DNAH17: variants seen among roughly 807,000 people sequenced by gnomAD.
DNAH17 encodes axonemal beta dynein heavy chain 17.
DNAH17 carries 376 observed loss-of-function variants against 485.6 expected under a neutral mutation model. That is an observed-to-expected ratio of 0.77 (90% confidence interval 0.71 to 0.84). The LOEUF is 0.84. Among genes scored for constraint, DNAH17 ranks in the 40% least tolerant of loss-of-function variants. DNAH17 has a pLI of 0.00. For missense variants in DNAH17, 6,370 were observed against 5,839.3 expected (o/e 1.09, Z -2.96); for synonymous variants, 3,031 against 2,405.9 (o/e 1.26, Z -7.60).
chr17:78,530,203 T>C (rs1427306117), intron 21 of DNAH17, 140 bp downstream of exon 21: 4 of 946,864 alleles, frequency 4.2e-6, no homozygotes, highest in Non-Finnish European at 6.1e-6. Context: ...CTTGGTGGGG[T>C]AGTTGGCCTT....
intron 17 of DNAH17, among the ~76,000 whole-genome samples, chr17:78,541,671 CCT>C (rs1423649790): frequency 1.3e-5 from 2 of 151,984 alleles, no homozygotes; most frequent in Non-Finnish European, 2.9e-5. Context: ...TGCCTCTGCC[CCT>C]CTTAGGCTCC....
In DNAH17 at chr17:78,468,488, T is replaced by A. The variant is rs1016802242; in HGVS notation, c.8778+129A>T. 7.9e-6 allele frequency: 10 copies of A among 1,262,696 alleles called. No individual in the cohort carries two copies. In the African/African-American group the frequency reaches 1.5e-4, roughly 19 times the overall value. 78.2% of individuals were successfully genotyped at this position (1,262,696 alleles called of 1,614,324 possible). A position where few individuals can be genotyped will look rare whatever the true frequency, so the allele number is the denominator to read the frequency against. On this transcript the variant is annotated intron_variant, in intron 55 of 80. Coordinates refer to ENST00000389840, the MANE Select transcript of DNAH17 (RefSeq NM_173628.4). ...CATCAGACAGCCCCACCCCTCACAC[T>A]CTCCTAACAGGATTTCACATCCCAT...
chr17:78,432,029 CAAAA>C (rs542985561), intron 75 of DNAH17, among the ~76,000 whole-genome samples: 1 of 150,940 alleles, frequency 6.6e-6, no homozygotes, highest in Non-Finnish European at 1.5e-5. Flanking sequence ...AAAACAAAAA[CAAAA>C]AAAACCTGGC....
chr17:78,425,353 G>A lies in DNAH17; in HGVS notation c.13134C>T (p.Phe4378=), dbSNP rs753842186. The change falls in exon 80 of 81, where the codon TTC becomes TTT. Residue 4378 remains phenylalanine, a synonymous_variant. Coordinates refer to ENST00000389840, the MANE Select transcript of DNAH17 (RefSeq NM_173628.4). ...PREGSYVYGL[F]MEGARWDTQT... ...GACAAGAGCCCTCCTTACCTTCCAT[G>A]AAGAGTCCGTACACGTAGGAGCCCT... is the stretch of plus-strand genomic sequence containing the variant. The A allele has an allele frequency of 1.2e-6, 2 of 1,613,660 alleles. No individual in the cohort carries two copies. The highest frequency in any genetic ancestry group is 1.7e-6 in the Non-Finnish European group (2 of 1,179,778).
chr17:78,557,668 C>G (rs532713906), intron 14 of DNAH17, among the ~76,000 whole-genome samples: 1 of 116,464 alleles, frequency 8.6e-6, no homozygotes, highest in Non-Finnish European at 1.8e-5. Context: ...AAAAAAGTAA[C>G]GTAAGCCAAA....
At chr17:78,576,961 C>T (rs1288535696) in intron 1 of DNAH17, among the ~76,000 whole-genome samples, 1 of 152,202 alleles carries the variant, frequency 6.6e-6, no homozygotes, top group South Asian at 2.1e-4. Context: ...GCAGAGACGG[C>T]TTCTCTGGGA....
chr17:78,562,365 C>G (rs1449521177), intron 11 of DNAH17, among the ~76,000 whole-genome samples: 3 of 152,130 alleles, frequency 2.0e-5, no homozygotes, highest in African/African-American at 7.2e-5. Context: ...GGGAGGGTCA[C>G]TTGAGCCCAG....
chr17:78,450,613 GCGC>G lies in DNAH17; in HGVS notation c.10899+66_10899+68del, dbSNP rs1292707057. 7.8e-5 allele frequency: 120 copies of G among 1,540,418 alleles called. No individual in the cohort carries two copies. In the East Asian group the frequency reaches 2.9e-3, roughly 37 times the overall value. On this transcript the variant is annotated intron_variant, in intron 67 of 80. Transcript: ENST00000389840. ...TTTTCTCCTTTCTCATGGTAGGGAGGCGCCGATCGCCCGTGGCCCAGCCTCCCA... is the reference window on the plus strand; with the variant it reads ...TTTTCTCCTTTCTCATGGTAGGGAGGCGATCGCCCGTGGCCCAGCCTCCCA...
In DNAH17 at chr17:78,442,264, T is replaced by A. The variant is rs575225623; in HGVS notation, c.11529-1065A>T. On this transcript the variant is annotated intron_variant, in intron 71 of 80. Transcript: ENST00000389840. ...CTCATGCCACCCAGCACACCTCACCTCCTCTGGTTCAACCAGCAATCAGCC... is the reference window on the plus strand; with the variant it reads ...CTCATGCCACCCAGCACACCTCACCACCTCTGGTTCAACCAGCAATCAGCC... Among the ~76,000 whole-genome samples, 13 of 152,230 alleles carry A rather than the reference T, an allele frequency of 8.5e-5. No individual in the cohort carries two copies. The South Asian group carries it at 2.7e-3, about 32-fold the overall frequency.
At chr17:78,567,347 T>A (rs952440884) in intron 9 of DNAH17, among the ~76,000 whole-genome samples, 181 bp from the exon 10 acceptor site, 2 of 151,780 alleles carry the variant, frequency 1.3e-5, no homozygotes, top group African/African-American at 2.4e-5. Flanking sequence ...AAATATTCCA[T>A]CCCCTGCAGA....
chr17:78,575,065 T>C lies in DNAH17; in HGVS notation c.-8A>G. On this transcript the variant is annotated 5_prime_UTR_variant, in exon 2 of 81. Transcript: ENST00000389840. ...GTCCGGGGCCATTGTCATCTTGGCCTTTCCTTACACTGTGTATCTGTTAAG... is the reference window on the plus strand; with the variant it reads ...GTCCGGGGCCATTGTCATCTTGGCCCTTCCTTACACTGTGTATCTGTTAAG... The C allele has an allele frequency of 6.2e-7, 1 of 1,607,624 alleles. No individual in the cohort carries two copies. The highest frequency in any genetic ancestry group is 8.5e-7 in the Non-Finnish European group (1 of 1,176,184).
chr17:78,478,672 T>C (rs2089208858), intron 51 of DNAH17, among the ~76,000 whole-genome samples: 1 of 132,170 alleles, frequency 7.6e-6, no homozygotes, highest in Admixed American at 7.6e-5. Flanking sequence ...CTACCATCAC[T>C]ACCACCATCA....
At chr17:78,447,767 AAGTTTG>A (rs2146482662) in intron 69 of DNAH17, among the ~76,000 whole-genome samples, 1 of 132,620 alleles carries the variant, frequency 7.5e-6, no homozygotes, top group South Asian at 2.3e-4. Context: ...CATTGGTTCA[AAGTTTG>A]AGTTTGAATT....
chr17:78,576,193 T>A (rs2092430165), intron 1 of DNAH17, among the ~76,000 whole-genome samples: 1 of 152,176 alleles, frequency 6.6e-6, no homozygotes, highest in Admixed American at 6.5e-5. Context: ...AGCTATTGCT[T>A]TTAAGTTTGT....
At chr17:78,554,606 T>C (rs929566341) in intron 14 of DNAH17, among the ~76,000 whole-genome samples, 1 of 152,166 alleles carries the variant, frequency 6.6e-6, no homozygotes. Context: ...AAGCACCATT[T>C]AGGCCTAGGA....
At chr17:78,519,089 A>C (rs1047688884) in intron 25 of DNAH17, among the ~76,000 whole-genome samples, 4 of 149,496 alleles carry the variant, frequency 2.7e-5, no homozygotes, top group Admixed American at 2.0e-4. Context: ...AATGGCGTGA[A>C]CCCAGGAGGT....
At chr17:78,441,655 GTCGGGGTC>G (rs2087080529) in intron 71 of DNAH17, among the ~76,000 whole-genome samples, 1 of 152,216 alleles carries the variant, frequency 6.6e-6, no homozygotes, top group South Asian at 2.1e-4. Context: ...TCTGGGGTCA[GTCGGGGTC>G]TCGGCTAATC....
At chr17:78,468,093 G>A (rs1406938518) in intron 55 of DNAH17, among the ~76,000 whole-genome samples, 1 of 151,246 alleles carries the variant, frequency 6.6e-6, no homozygotes, top group African/African-American at 2.4e-5. Context: ...GTGTGGGGAG[G>A]GGGTCCACAT....
chr17:78,460,385 CAT>C (rs1360659767), intron 58 of DNAH17, 128 bp from the exon 59 acceptor site: 2 of 755,016 alleles, frequency 2.6e-6, no homozygotes, highest in African/African-American at 1.7e-5. Context: ...TGTATGTGTG[CAT>C]ATATGTGCAT....
Sources: gnomAD v4.1 joint callset for allele counts (sites outside exome capture counted in the v4.1 genomes callset) on GRCh38, gnomAD v4.1.1 for gene constraint, MANE v1.5 for transcripts, NCBI Gene and HGNC (gene_info 2026-07-23, HGNC 2026-07-21) for gene names.